The following SCLT1 variants were observed in gnomAD, a reference collection of about 807,000 sequenced individuals.
The protein encoded by SCLT1 is sodium channel and clathrin linker 1.
In SCLT1, 78 loss-of-function variants were observed where a neutral mutation model predicts 112.8. The ratio of observed to expected loss-of-function variants is 0.69; its 90% CI spans 0.58 to 0.83. The LOEUF is 0.83. Among genes scored for constraint, SCLT1 ranks in the 40% least tolerant of loss-of-function variants. The probability of loss-of-function intolerance (pLI) is 0.00; values close to 1 mark genes in which losing one functional copy is unlikely to be tolerated. For synonymous variants in SCLT1, 257 were observed against 254.7 expected, an observed-to-expected ratio of 1.01 and a Z score of -0.09; for missense variants, 747 against 770.4, an observed-to-expected ratio of 0.97 and a Z score of 0.36.
intron 18 of SCLT1, among the ~76,000 whole-genome samples, chr4:128,895,743 C>T (rs1291976604): frequency 6.6e-6 from 1 of 152,184 alleles, no homozygotes; most frequent in African/African-American, 2.4e-5. Flanking sequence ...CGAGGCATTG[C>T]CTCACCTGGG....
intron 9 of SCLT1, among the ~76,000 whole-genome samples, chr4:128,986,338 T>G (rs942147171): frequency 2.0e-5 from 3 of 152,164 alleles, no homozygotes; most frequent in African/African-American, 7.2e-5. Context: ...ACCAAGTCTT[T>G]GCTGCCTTCA....
chr4:128,962,190 G>A (rs924730109), intron 11 of SCLT1, among the ~76,000 whole-genome samples: 1 of 152,138 alleles, frequency 6.6e-6, no homozygotes, highest in Non-Finnish European at 1.5e-5. Context: ...AACAGTTCAT[G>A]CTATAAAGTT....
At chr4:128,980,652 C>A (rs1741565813) in intron 9 of SCLT1, among the ~76,000 whole-genome samples, 2 of 152,102 alleles carry the variant, frequency 1.3e-5, no homozygotes, top group Non-Finnish European at 2.9e-5. Context: ...AGCACCCAGT[C>A]AAACTTTGAG....
chr4:129,074,145 T>C (rs1407559507), intron 2 of SCLT1, among the ~76,000 whole-genome samples: 4 of 152,228 alleles, frequency 2.6e-5, no homozygotes, highest in African/African-American at 7.2e-5. Flanking sequence ...TCTTGTTATT[T>C]GATATTTGTC....
intron 12 of SCLT1, among the ~76,000 whole-genome samples, chr4:128,959,226 T>C (rs1739470114): frequency 6.6e-6 from 1 of 152,012 alleles, no homozygotes; most frequent in South Asian, 2.1e-4. Context: ...TAATTGAGTA[T>C]ATGATGAAGG....
chr4:128,956,013 T>A (rs1471143296), intron 13 of SCLT1, among the ~76,000 whole-genome samples: 1 of 152,190 alleles, frequency 6.6e-6, no homozygotes, highest in African/African-American at 2.4e-5. Flanking sequence ...GAGAGTAAGT[T>A]CAGTTTCAGA....
At chr4:128,915,609 C>G (rs1414079177) in intron 18 of SCLT1, among the ~76,000 whole-genome samples, 2 of 152,084 alleles carry the variant, frequency 1.3e-5, no homozygotes, top group Non-Finnish European at 2.9e-5. Flanking sequence ...TTTAAAAGTT[C>G]AAATGCATTT....
Position 128,946,145 on chromosome 4 carries a change from C to A in SCLT1, c.1301G>T (p.Arg434Leu), listed in dbSNP as rs200051986. Reference sequence around the variant, plus strand: ...ATCACTCTCATTTCCTCTGCCTTCACGGTAAATCTGCAGAAAAGGCTTATT... The same window carrying A: ...ATCACTCTCATTTCCTCTGCCTTCAAGGTAAATCTGCAGAAAAGGCTTATT... ...AVEEELEKIY[R>L]EGRGNESDYR... The change falls in exon 16 of 21, where the codon CGT (arginine) becomes CTT (leucine). Residue 434 changes from arginine (R) to leucine (L), a missense_variant. Transcript: ENST00000281142. 5.0e-6 allele frequency: 8 copies of A among 1,601,714 alleles called. No homozygotes were observed. Among genetic ancestry groups the A allele is most frequent in the Non-Finnish European group, 6.8e-6 (8 of 1,169,964 alleles).
At chr4:129,044,128 C>T in intron 2 of SCLT1, 77 bp from the exon 3 acceptor site, 2 of 699,300 alleles carry the variant, frequency 2.9e-6, no homozygotes, top group Non-Finnish European at 5.0e-6. Context: ...ATATTAAATG[C>T]AATTAAATTT....
At chr4:129,058,956 T>C (rs1041052345) in intron 2 of SCLT1, among the ~76,000 whole-genome samples, 7 of 152,202 alleles carry the variant, frequency 4.6e-5, no homozygotes, top group Admixed American at 2.0e-4. Flanking sequence ...AAAAAGATTA[T>C]ATCCTCCTTT....
chr4:129,072,301 C>A (rs146832420), intron 2 of SCLT1, among the ~76,000 whole-genome samples: 2 of 152,096 alleles, frequency 1.3e-5, no homozygotes, highest in Non-Finnish European at 2.9e-5. Context: ...GATCTTTTTG[C>A]GATGAATTTC....
downstream of SCLT1, among the ~76,000 whole-genome samples, chr4:128,879,401 G>A (rs1732592582): frequency 6.6e-6 from 1 of 152,106 alleles, no homozygotes; most frequent in Admixed American, 6.5e-5. Context: ...AACCTATAAA[G>A]GTTACTTTTG....
Position 129,092,026 on chromosome 4 carries a change from A to G in SCLT1, c.34+1044T>C, listed in dbSNP as rs1372765462. ...CTGATCTCCAGTCTCCCTGTGCCCA[A>G]CTTAGTTTACTTCTTACCTGAATGA... On this transcript the variant is annotated intron_variant, in intron 1 of 20. Coordinates refer to ENST00000281142, the MANE Select transcript of SCLT1 (RefSeq NM_144643.4). Among the ~76,000 whole-genome samples the G allele has an allele frequency of 2.6e-5, 4 of 152,208 alleles. No homozygotes were observed. The East Asian group carries it at 7.7e-4, about 29-fold the overall frequency.
intron 5 of SCLT1, among the ~76,000 whole-genome samples, chr4:129,027,754 A>G (rs1011386988): frequency 2.6e-5 from 4 of 152,218 alleles, no homozygotes; most frequent in African/African-American, 9.7e-5. Context: ...TTTGCAGATG[A>G]CATGATTGTA....
rs533835730 is a variant in SCLT1 at position 128,959,738 on chromosome 4, G to A, written c.909C>T (p.Thr303=). ...TCTGTTTTTCCAGATGTGTATTTTC[G>A]GTTCTTAATTGGTTGGCTTCTTGGA... ...VTIQEANQLR[T]ENTHLEKQTR... Residue 303 remains threonine (T), a synonymous_variant, in exon 12 of 21, where the codon ACC becomes ACT. Transcript: ENST00000281142. 7 of 1,612,952 alleles carry A rather than the reference G, an allele frequency of 4.3e-6. No homozygotes were observed. Among genetic ancestry groups the A allele is most frequent in the African/African-American group, 4.0e-5 (3 of 74,770 alleles).
At chr4:128,889,687 G>T (rs1733161669) in intron 19 of SCLT1, among the ~76,000 whole-genome samples, 1 of 152,112 alleles carries the variant, frequency 6.6e-6, no homozygotes, top group South Asian at 2.1e-4. Flanking sequence ...ATTAAAAAAT[G>T]GAAATTAAAA....
chr4:129,057,106 G>A (rs1277004863), intron 2 of SCLT1, among the ~76,000 whole-genome samples: 3 of 152,026 alleles, frequency 2.0e-5, no homozygotes, highest in Admixed American at 6.6e-5. Flanking sequence ...TATGGTTTTT[G>A]TTCTTCATTC....
At chr4:128,959,850 C>T in intron 11 of SCLT1, 73 bp from the exon 12 acceptor site, 1 of 1,112,260 alleles carries the variant, frequency 9.0e-7, no homozygotes, top group Non-Finnish European at 1.3e-6. Flanking sequence ...TGAGCATCTA[C>T]TACAGGACAG....
At chr4:128,901,340 C>T (rs1439971071) in intron 18 of SCLT1, among the ~76,000 whole-genome samples, 1 of 152,106 alleles carries the variant, frequency 6.6e-6, no homozygotes, top group African/African-American at 2.4e-5. Flanking sequence ...ACTATGGAGC[C>T]ATAAAAAAGG....
Sources: allele counts gnomAD v4.1 joint callset (sites outside exome capture counted in the v4.1 genomes callset), GRCh38; gene constraint gnomAD v4.1.1; transcripts MANE v1.5; gene names NCBI Gene and HGNC (gene_info 2026-07-23, HGNC 2026-07-21).